The following PDS5A variants were observed in gnomAD, a reference collection of about 807,000 sequenced individuals.
The protein encoded by PDS5A is PDS5 cohesin associated factor A, also known as sister chromatid cohesion protein PDS5 homolog A.
Under a neutral mutation model 167.1 loss-of-function variants are expected in PDS5A, and 42 were observed. The observed-to-expected ratio is 0.25, with a 90% confidence interval of 0.20 to 0.33. The LOEUF is 0.33. PDS5A is among the 10% of genes least tolerant of loss of function. The pLI, the probability that PDS5A is intolerant of heterozygous loss-of-function variation, is 1.00. For synonymous variants in PDS5A, 553 were observed against 554.6 expected (o/e 1.00, Z 0.04); for missense variants, 1,033 against 1,605.9 (o/e 0.64, Z 6.10).
chr4:39,862,321 GATA>G lies in PDS5A; in HGVS notation c.2981_2983del (p.Leu994del), dbSNP rs749710090. On this transcript the variant is annotated inframe_deletion, in exon 26 of 33. Coordinates refer to ENST00000303538, the MANE Select transcript of PDS5A (RefSeq NM_001100399.2). ...TGGAACTACATATTCAGGCAACAGTGATAATAATTTCTCTGAAGTAAAAACATT... is the reference window on the plus strand; with the variant it reads ...TGGAACTACATATTCAGGCAACAGTGATAATTTCTCTGAAGTAAAAACATT... 3 of 1,476,504 alleles carry G rather than the reference GATA, an allele frequency of 2.0e-6. No homozygotes were observed. The highest frequency in any genetic ancestry group is 1.2e-5 in the South Asian group (1 of 80,070). The allele number at this position is 1,476,504 out of a possible 1,614,324, so 91.5% of individuals were successfully genotyped here.
intron 2 of PDS5A, among the ~76,000 whole-genome samples, chr4:39,945,155 G>C (rs958602561): frequency 1.3e-5 from 2 of 151,918 alleles, no homozygotes; most frequent in Non-Finnish European, 2.9e-5. Flanking sequence ...AGTTGTCCAA[G>C]GGCATAAAAA....
At chr4:39,912,932 AC>A (rs1303669738) in intron 9 of PDS5A, among the ~76,000 whole-genome samples, 1 of 152,220 alleles carries the variant, frequency 6.6e-6, no homozygotes, top group African/African-American at 2.4e-5. Flanking sequence ...CAGATAAGTT[AC>A]AGACCCAAAC....
intron 2 of PDS5A, among the ~76,000 whole-genome samples, chr4:39,950,191 G>A (rs62309192): frequency 0.19 from 28,306 of 151,998 alleles, 3,121 homozygotes; most frequent in South Asian, 0.27. Flanking sequence ...GTGAGCCACC[G>A]CACCCAGCCA....
chr4:39,842,896 ACTTATCCTATTTTTATATATATAT>A (rs2109497873), intron 30 of PDS5A, among the ~76,000 whole-genome samples: 1 of 61,794 alleles, frequency 1.6e-5, no homozygotes, highest in South Asian at 6.6e-4. Context: ...AACAATGTAA[ACTTATCCTATTTTTATATATATAT>A]ATATATATAT....
At chr4:39,883,179 CT>C (rs953471373) in intron 17 of PDS5A, among the ~76,000 whole-genome samples, 8 of 151,480 alleles carry the variant, frequency 5.3e-5, no homozygotes, top group African/African-American at 9.7e-5. Context: ...CAACTAGCAT[CT>C]TTTTTTTTAA....
chr4:39,873,717 C>CA (rs1384687667), intron 20 of PDS5A, among the ~76,000 whole-genome samples: 1 of 152,138 alleles, frequency 6.6e-6, no homozygotes, highest in African/African-American at 2.4e-5. Context: ...ACCACTGAAC[C>CA]AATAAGGCTA....
At chr4:39,974,608 G>C (rs1235585892) in intron 2 of PDS5A, among the ~76,000 whole-genome samples, 1 of 151,996 alleles carries the variant, frequency 6.6e-6, no homozygotes, top group Non-Finnish European at 1.5e-5. Flanking sequence ...GCAATGGCGC[G>C]ATCTCCGCTC....
intron 2 of PDS5A, among the ~76,000 whole-genome samples, chr4:39,937,069 C>T (rs902118794): frequency 5.3e-5 from 8 of 152,124 alleles, no homozygotes; most frequent in African/African-American, 4.8e-5. Flanking sequence ...ACTAACCTCC[C>T]CTGAGCTTTA....
intron 2 of PDS5A, among the ~76,000 whole-genome samples, chr4:39,942,822 G>C (rs1382647187): frequency 6.6e-6 from 1 of 152,016 alleles, no homozygotes; most frequent in African/African-American, 2.4e-5. Flanking sequence ...GTGGTCATTA[G>C]CATAAAAATC....
intron 2 of PDS5A, among the ~76,000 whole-genome samples, chr4:39,930,337 C>T (rs1470379688): frequency 6.7e-6 from 1 of 148,256 alleles, no homozygotes; most frequent in East Asian, 2.0e-4. Flanking sequence ...AAGCGACCTG[C>T]CTGCCTCAGC....
In PDS5A at chr4:39,942,129, C is replaced by T. The variant is rs892723735; in HGVS notation, c.139-13965G>A. 5.3e-5 allele frequency among the ~76,000 whole-genome samples: 8 copies of T among 152,092 alleles called. 1 individual carries two copies. The highest frequency in any genetic ancestry group is 1.9e-4 in the African/African-American group (8 of 41,406). ...TTTCCTATGGCCGCATTCCTTATGA[C>T]ATTTTAAACATCATAATCAATTTTA... On this transcript the variant is annotated intron_variant, in intron 2 of 32. Transcript: ENST00000303538.
chr4:39,918,626 G>A (rs764387810), intron 7 of PDS5A, among the ~76,000 whole-genome samples: 4 of 152,140 alleles, frequency 2.6e-5, no homozygotes, highest in African/African-American at 7.2e-5. Context: ...GTCTGGGGCA[G>A]GCGGATTACC....
At chr4:39,869,296 T>C (rs1421915407) in intron 22 of PDS5A, 98 bp downstream of exon 22, 17 of 790,298 alleles carry the variant, frequency 2.2e-5, no homozygotes, top group Middle Eastern at 4.9e-4. Flanking sequence ...CACAGCAAGA[T>C]CCCATCTCTG....
chr4:39,839,981 C>A (rs897846443), intron 31 of PDS5A, among the ~76,000 whole-genome samples: 4 of 152,016 alleles, frequency 2.6e-5, no homozygotes, highest in Non-Finnish European at 1.5e-5. Context: ...GTAATCCCAG[C>A]TACTCAGGAG....
intron 7 of PDS5A, among the ~76,000 whole-genome samples, chr4:39,917,648 T>G (rs1010797919): frequency 6.6e-6 from 1 of 152,058 alleles, no homozygotes; most frequent in African/African-American, 2.4e-5. Context: ...GATCTCGGCT[T>G]ACTGCAACTT....
At chr4:39,895,404 AAAAATAT>A (rs1365429390) in intron 16 of PDS5A, among the ~76,000 whole-genome samples, 9 of 152,136 alleles carry the variant, frequency 5.9e-5, no homozygotes, top group Non-Finnish European at 1.0e-4. Flanking sequence ...AACACAGGGT[AAAAATAT>A]AAAAGATAAA....
chr4:39,926,120 A>G (rs1277746317), intron 4 of PDS5A, among the ~76,000 whole-genome samples, 187 bp from the exon 5 acceptor site: 1 of 152,126 alleles, frequency 6.6e-6, no homozygotes, highest in Admixed American at 6.5e-5. Flanking sequence ...GATGGCATCA[A>G]TTTTCTCAAA....
intron 2 of PDS5A, among the ~76,000 whole-genome samples, chr4:39,928,997 A>G (rs1227422781): frequency 6.6e-6 from 1 of 152,084 alleles, no homozygotes; most frequent in African/African-American, 2.4e-5. Flanking sequence ...TAATTTATCA[A>G]CTCCAGAAAC....
chr4:39,853,688 C>G (rs1001933410), intron 26 of PDS5A, among the ~76,000 whole-genome samples: 1 of 152,320 alleles, frequency 6.6e-6, no homozygotes, highest in Non-Finnish European at 1.5e-5. Flanking sequence ...TTATTACCAT[C>G]GTTTCTTTTA....
Sources: gnomAD v4.1 joint callset for allele counts (sites outside exome capture counted in the v4.1 genomes callset) on GRCh38, gnomAD v4.1.1 for gene constraint, MANE v1.5 for transcripts, NCBI Gene and HGNC (gene_info 2026-07-23, HGNC 2026-07-21) for gene names.